Variants in TMEM132C observed in about 807,000 individuals in gnomAD.
TMEM132C encodes the protein transmembrane protein 132C, also known as protein phosphatase 1, regulatory subunit 152.
Under a neutral mutation model 61.4 loss-of-function variants are expected in TMEM132C, and 29 were observed. That is an observed-to-expected ratio of 0.47 (90% CI 0.35 to 0.64). TMEM132C has a LOEUF of 0.64. TMEM132C is among the 30% of genes least tolerant of loss of function. The pLI, the probability that TMEM132C is intolerant of heterozygous loss-of-function variation, is 0.00. For missense variants in TMEM132C, 1,408 were observed against 1,476.9 expected, an observed-to-expected ratio of 0.95 and a Z score of 0.76; for synonymous variants, 656 against 633.1, an observed-to-expected ratio of 1.04 and a Z score of -0.54.
At chr12:128,528,033 C>T (rs77805038) in intron 2 of TMEM132C, among the ~76,000 whole-genome samples, 4,827 of 152,232 alleles carry the variant, frequency 0.032, 112 homozygotes, top group Admixed American at 0.068. Context: ...AGAAGAGAGC[C>T]TGGCTGATAC....
intron 2 of TMEM132C, among the ~76,000 whole-genome samples, chr12:128,452,160 C>A (rs1325272242): frequency 6.6e-6 from 1 of 152,062 alleles, no homozygotes. Context: ...GTGGTGCGAT[C>A]ATGGCTCACT....
chr12:128,616,823 A>G (rs1876816643), intron 4 of TMEM132C, among the ~76,000 whole-genome samples: 1 of 152,184 alleles, frequency 6.6e-6, no homozygotes, highest in Non-Finnish European at 1.5e-5. Flanking sequence ...ATGAGTGACA[A>G]TGGGCTTGAG....
intron 4 of TMEM132C, among the ~76,000 whole-genome samples, chr12:128,641,848 G>A (rs1415957370): frequency 2.0e-5 from 3 of 152,158 alleles, no homozygotes; most frequent in African/African-American, 7.2e-5. Context: ...AGGCTGGAGT[G>A]CAGTGGCACG....
chr12:128,370,565 G>A (rs1873998855), intron 1 of TMEM132C, among the ~76,000 whole-genome samples: 1 of 151,696 alleles, frequency 6.6e-6, no homozygotes, highest in South Asian at 2.1e-4. Context: ...GCAGGACGGA[G>A]GTAGAGATGC....
chr12:128,590,437 C>G (rs560402494), intron 3 of TMEM132C, among the ~76,000 whole-genome samples: 1 of 126,716 alleles, frequency 7.9e-6, no homozygotes, highest in South Asian at 3.2e-4. Flanking sequence ...GTTGCAAATT[C>G]TCAATGCTTA....
intron 2 of TMEM132C, among the ~76,000 whole-genome samples, chr12:128,538,026 C>T (rs981431446): frequency 1.3e-5 from 2 of 152,184 alleles, no homozygotes; most frequent in African/African-American, 4.8e-5. Flanking sequence ...CTCCTCCTGG[C>T]CTCAAGTGAT....
chr12:128,331,081 A>G (rs1409093784), intron 1 of TMEM132C, among the ~76,000 whole-genome samples: 1 of 150,934 alleles, frequency 6.6e-6, no homozygotes, highest in African/African-American at 2.4e-5. Flanking sequence ...CCCAGAGGAT[A>G]CTCCCTCTTT....
chr12:128,663,381 T>C (rs1020245124), intron 4 of TMEM132C, among the ~76,000 whole-genome samples: 5 of 152,228 alleles, frequency 3.3e-5, no homozygotes, highest in African/African-American at 9.6e-5. Flanking sequence ...TCACACAACA[T>C]GTTCATGATC....
At chr12:128,429,920 C>T (rs916285661) in intron 2 of TMEM132C, among the ~76,000 whole-genome samples, 3 of 152,014 alleles carry the variant, frequency 2.0e-5, no homozygotes, top group Non-Finnish European at 2.9e-5. Context: ...AAGGGTGCAG[C>T]GGACAGACAC....
chr12:128,371,252 A>T (rs1350937622), intron 1 of TMEM132C, among the ~76,000 whole-genome samples: 1 of 152,172 alleles, frequency 6.6e-6, no homozygotes, highest in Non-Finnish European at 1.5e-5. Context: ...TCATAGCAGC[A>T]CATGGATTTT....
At chr12:128,637,972 T>A (rs2135597427) in intron 4 of TMEM132C, among the ~76,000 whole-genome samples, 1 of 152,346 alleles carries the variant, frequency 6.6e-6, no homozygotes, top group Non-Finnish European at 1.5e-5. Context: ...TAATTGAGAT[T>A]ATTTATGCAT....
In TMEM132C at chr12:128,435,534, C is replaced by A. The variant is rs1869559394; in HGVS notation, c.974+19914C>A. ...GACAAACAGCCAAATCATGTGTGAA[C>A]CCCCATTCACAATTGCTACAAAGAG... On this transcript the variant is annotated intron_variant, in intron 2 of 8. Coordinates refer to ENST00000435159, the MANE Select transcript of TMEM132C (RefSeq NM_001136103.3). 2.6e-5 allele frequency among the ~76,000 whole-genome samples: 4 copies of A among 152,112 alleles called. No individual in the cohort carries two copies. The South Asian group carries it at 8.3e-4, about 31-fold the overall frequency.
intron 5 of TMEM132C, among the ~76,000 whole-genome samples, chr12:128,681,787 G>A (rs373644935): frequency 3.3e-4 from 50 of 149,746 alleles, no homozygotes; most frequent in African/African-American, 1.2e-3. Context: ...CTGAGTAGCT[G>A]GGACTACAGG....
intron 1 of TMEM132C, among the ~76,000 whole-genome samples, chr12:128,274,290 G>T (rs1453440546): frequency 6.6e-6 from 1 of 152,090 alleles, no homozygotes; most frequent in East Asian, 1.9e-4. Flanking sequence ...GTAACCCAAA[G>T]ACTTAATATA....
chr12:128,373,270 G>A (rs374895718), intron 1 of TMEM132C, among the ~76,000 whole-genome samples: 15 of 152,092 alleles, frequency 9.9e-5, no homozygotes, highest in Admixed American at 9.8e-4. Context: ...AAGGAGTGGA[G>A]CTGGTCCTCT....
intron 3 of TMEM132C, among the ~76,000 whole-genome samples, chr12:128,572,260 T>G (rs1874916311): frequency 6.9e-6 from 1 of 145,138 alleles, no homozygotes; most frequent in Admixed American, 6.8e-5. Flanking sequence ...TCTCTGCTGG[T>G]CTCTGGTCAG....
chr12:128,487,432 T>G (rs948099531), intron 2 of TMEM132C, among the ~76,000 whole-genome samples: 3 of 151,896 alleles, frequency 2.0e-5, no homozygotes, highest in Non-Finnish European at 2.9e-5. Flanking sequence ...TTGGTCTCTC[T>G]CTGGCCTTCA....
chr12:128,556,641 G>A (rs1874337172), intron 3 of TMEM132C, among the ~76,000 whole-genome samples: 1 of 152,160 alleles, frequency 6.6e-6, no homozygotes, highest in African/African-American at 2.4e-5. Flanking sequence ...TTGACTCATA[G>A]TGCTGAGCAG....
intron 1 of TMEM132C, among the ~76,000 whole-genome samples, chr12:128,315,045 G>C (rs527444862): frequency 1.3e-5 from 2 of 152,326 alleles, no homozygotes; most frequent in South Asian, 2.1e-4. Flanking sequence ...ATGTTACCCA[G>C]AGGCAGGTTG....
Sources: allele counts gnomAD v4.1 joint callset (sites outside exome capture counted in the v4.1 genomes callset), GRCh38; gene constraint gnomAD v4.1.1; transcripts MANE v1.5; gene names NCBI Gene and HGNC (gene_info 2026-07-23, HGNC 2026-07-21).